The following RBFOX1 variants were observed in gnomAD, a reference collection of about 807,000 sequenced individuals.
The protein encoded by RBFOX1 is RNA binding protein fox-1 homolog 1.
A neutral mutation model predicts 57.7 loss-of-function variants in RBFOX1; 8 were observed. The observed-to-expected ratio is 0.14, with a 90% CI of 0.08 to 0.25. RBFOX1 has a LOEUF of 0.25. RBFOX1 is among the 10% of genes least tolerant of loss of function. The pLI is 1.00. For missense variants in RBFOX1, 611 were observed against 548.5 expected, an observed-to-expected ratio of 1.11 and a Z score of -1.14; for synonymous variants, 326 against 222.4, an observed-to-expected ratio of 1.47 and a Z score of -4.15.
At chr16:6,741,040 G>A (rs1603484986) in intron 3 of RBFOX1, among the ~76,000 whole-genome samples, 1 of 152,146 alleles carries the variant, frequency 6.6e-6, no homozygotes, top group East Asian at 1.9e-4. Flanking sequence ...CAATGGAAGG[G>A]AAGAGAAGAC....
intron 4 of RBFOX1, among the ~76,000 whole-genome samples, chr16:7,212,019 G>T (rs1389043277): frequency 6.6e-6 from 1 of 152,116 alleles, no homozygotes; most frequent in Non-Finnish European, 1.5e-5. Context: ...TTGCCTGGCT[G>T]AGTCACGGTT....
At chr16:6,163,808 C>T (rs928738038) in intron 1 of RBFOX1, among the ~76,000 whole-genome samples, 6 of 151,936 alleles carry the variant, frequency 3.9e-5, no homozygotes, top group African/African-American at 1.5e-4. Flanking sequence ...ATTTTTTTTG[C>T]CCAATCTTAA....
At chr16:7,694,684 T>G (rs149712535) in intron 14 of RBFOX1, among the ~76,000 whole-genome samples, 3 of 152,232 alleles carry the variant, frequency 2.0e-5, no homozygotes, top group Non-Finnish European at 4.4e-5. Flanking sequence ...TGCCCAGTGC[T>G]AGGTGCAATG....
At chr16:5,397,505 A>G (rs1412250529) in intron 1 of RBFOX1, among the ~76,000 whole-genome samples, 2 of 152,166 alleles carry the variant, frequency 1.3e-5, no homozygotes, top group Non-Finnish European at 2.9e-5. Flanking sequence ...CATATCTGCA[A>G]CCCCATTCCC....
At chr16:6,001,134 C>A (rs1410063417) in intron 4 of RBFOX1, among the ~76,000 whole-genome samples, 1 of 152,104 alleles carries the variant, frequency 6.6e-6, no homozygotes, top group Non-Finnish European at 1.5e-5. Context: ...TTCAGAATTA[C>A]TGGTAAGCTG....
intron 2 of RBFOX1, among the ~76,000 whole-genome samples, chr16:6,330,989 A>G (rs1384434193): frequency 1.3e-5 from 2 of 152,236 alleles, no homozygotes; most frequent in African/African-American, 2.4e-5. Flanking sequence ...AGAGATTACC[A>G]TCAAGGTACA....
intron 4 of RBFOX1, among the ~76,000 whole-genome samples, chr16:5,906,031 C>T (rs1380290289): frequency 6.6e-6 from 1 of 152,126 alleles, no homozygotes; most frequent in East Asian, 1.9e-4. Flanking sequence ...CAGGTATTTG[C>T]TGCTTTGGCT....
At chr16:7,273,709 A>G (rs2095385615) in intron 4 of RBFOX1, among the ~76,000 whole-genome samples, 1 of 152,206 alleles carries the variant, frequency 6.6e-6, no homozygotes, top group African/African-American at 2.4e-5. Flanking sequence ...TAAATACAGG[A>G]CGTTTAGTAA....
At chr16:6,783,094 C>T (rs1276860373) in intron 3 of RBFOX1, among the ~76,000 whole-genome samples, 3 of 151,428 alleles carry the variant, frequency 2.0e-5, no homozygotes, top group African/African-American at 7.3e-5. Flanking sequence ...ATATCTTTTT[C>T]TGTTCTTTCA....
chr16:6,282,447 G>A (rs1199120248), intron 1 of RBFOX1, among the ~76,000 whole-genome samples: 1 of 148,930 alleles, frequency 6.7e-6, no homozygotes, highest in Non-Finnish European at 1.5e-5. Flanking sequence ...ATAAACATGT[G>A]CCATGGTGGT....
intron 3 of RBFOX1, among the ~76,000 whole-genome samples, chr16:6,963,952 C>T (rs2083545972): frequency 6.6e-6 from 1 of 152,126 alleles, no homozygotes; most frequent in South Asian, 2.1e-4. Flanking sequence ...CCCGCCTCGG[C>T]CTCCCAAAGT....
intron 3 of RBFOX1, among the ~76,000 whole-genome samples, chr16:5,671,368 T>A (rs962330026): frequency 6.6e-6 from 1 of 152,212 alleles, no homozygotes; most frequent in African/African-American, 2.4e-5. Context: ...GCTCCATTAT[T>A]TATAGGAATC....
At chr16:6,874,509 TAAAAAAAAAAAAAAAAA>T (rs57494867) in intron 3 of RBFOX1, among the ~76,000 whole-genome samples, 3 of 71,084 alleles carry the variant, frequency 4.2e-5, no homozygotes, top group Non-Finnish European at 7.1e-5. Flanking sequence ...AGACTCCATC[TAAAAAAAAAAAAAAAAA>T]AAAAAAAAAA....
intron 4 of RBFOX1, among the ~76,000 whole-genome samples, chr16:5,912,533 G>C (rs1182157109): frequency 6.6e-6 from 1 of 152,146 alleles, no homozygotes; most frequent in Non-Finnish European, 1.5e-5. Context: ...ATTGCACGTT[G>C]AAAGGCTTTT....
At chr16:7,690,243 G>C (rs939690550) in intron 14 of RBFOX1, among the ~76,000 whole-genome samples, 1 of 152,068 alleles carries the variant, frequency 6.6e-6, no homozygotes, top group Non-Finnish European at 1.5e-5. Flanking sequence ...TAACCTCTAT[G>C]AATCTAAGGA....
intron 3 of RBFOX1, among the ~76,000 whole-genome samples, chr16:6,837,777 A>C (rs1002568344): frequency 6.6e-6 from 1 of 152,224 alleles, no homozygotes; most frequent in African/African-American, 2.4e-5. Flanking sequence ...TGTCATTATT[A>C]CAATCTTGTT....
At chr16:7,404,758 C>T (rs1334095503) in intron 4 of RBFOX1, among the ~76,000 whole-genome samples, 2 of 152,170 alleles carry the variant, frequency 1.3e-5, no homozygotes, top group Non-Finnish European at 2.9e-5. Context: ...TATCTGATTC[C>T]TTGTTGTCAC....
intron 3 of RBFOX1, among the ~76,000 whole-genome samples, chr16:6,883,630 T>C (rs933159750): frequency 4.6e-5 from 7 of 152,214 alleles, no homozygotes; most frequent in South Asian, 2.1e-4. Flanking sequence ...TTCAGAACTT[T>C]TCAAAGCTAG....
chr16:7,314,661 G>T (rs2096397279), intron 4 of RBFOX1, among the ~76,000 whole-genome samples: 1 of 152,074 alleles, frequency 6.6e-6, no homozygotes, highest in Non-Finnish European at 1.5e-5. Flanking sequence ...AAAATGGGCT[G>T]ACACTCTTTT....
Sources: gnomAD v4.1 joint callset for allele counts (sites outside exome capture counted in the v4.1 genomes callset) on GRCh38, gnomAD v4.1.1 for gene constraint, MANE v1.5 for transcripts, NCBI Gene and HGNC (gene_info 2026-07-23, HGNC 2026-07-21) for gene names.